The following SHISAL2B variants were observed in gnomAD, a reference collection of about 807,000 sequenced individuals.
SHISAL2B encodes shisa like 2B.
Under a neutral mutation model 16.5 loss-of-function variants are expected in SHISAL2B, and 12 were observed. That is an observed-to-expected ratio of 0.73 (90% CI 0.47 to 1.18). The LOEUF (loss-of-function observed/expected upper bound fraction) is 1.18. SHISAL2B is among the 50% of genes most tolerant of loss of function. The pLI is 0.00. For synonymous variants in SHISAL2B, 72 were observed against 75.0 expected, an observed-to-expected ratio of 0.96 and a Z score of 0.21; for missense variants, 183 against 193.6, an observed-to-expected ratio of 0.95 and a Z score of 0.33.
At chr5:64,706,298 G>A (rs773470997) in intron 2 of SHISAL2B, among the ~76,000 whole-genome samples, 6 of 152,196 alleles carry the variant, frequency 3.9e-5, no homozygotes, top group Admixed American at 6.5e-5. Flanking sequence ...ACACAATTTA[G>A]TCTGGCTCAG....
chr5:64,707,014 T>C (rs1436885561), intron 2 of SHISAL2B, among the ~76,000 whole-genome samples: 1 of 152,184 alleles, frequency 6.6e-6, no homozygotes, highest in Non-Finnish European at 1.5e-5. Context: ...TAGGCAAGAC[T>C]AGAATCTAAT....
intron 1 of SHISAL2B, among the ~76,000 whole-genome samples, chr5:64,695,000 C>T (rs2112056080): frequency 6.6e-6 from 1 of 152,252 alleles, no homozygotes; most frequent in South Asian, 2.1e-4. Flanking sequence ...AGCGGTGGCT[C>T]ACGTCTGTAA....
intron 2 of SHISAL2B, among the ~76,000 whole-genome samples, chr5:64,711,087 G>A (rs1243308096): frequency 2.7e-4 from 36 of 135,390 alleles, no homozygotes; most frequent in African/African-American, 1.0e-3. Flanking sequence ...GAATAGGAGC[G>A]GTGAGAGAGG....
chr5:64,690,541 T>C lies in SHISAL2B; in HGVS notation c.-83T>C. The C allele has an allele frequency of 8.4e-7, 1 of 1,189,076 alleles. No homozygotes were observed. 73.7% of individuals were successfully genotyped at this position (1,189,076 alleles called of 1,614,324 possible). On this transcript the variant is annotated 5_prime_UTR_variant, in exon 1 of 3. Coordinates refer to ENST00000389074, the MANE Select transcript of SHISAL2B (RefSeq NM_001164442.2). Reference sequence around the variant, plus strand: ...GAAGAGCCGAGTCCGGGCAGAGGGGTCCGCGGGCTCTGGAGGTGCTGGACG... The same window carrying C: ...GAAGAGCCGAGTCCGGGCAGAGGGGCCCGCGGGCTCTGGAGGTGCTGGACG...
chr5:64,698,684 A>C (rs906497827), intron 2 of SHISAL2B, among the ~76,000 whole-genome samples: 7 of 152,168 alleles, frequency 4.6e-5, no homozygotes, highest in Non-Finnish European at 1.5e-5. Context: ...TTAACATATT[A>C]TATCCTTTAC....
At chr5:64,691,862 A>G (rs1741655301) in intron 1 of SHISAL2B, among the ~76,000 whole-genome samples, 1 of 152,190 alleles carries the variant, frequency 6.6e-6, no homozygotes, top group African/African-American at 2.4e-5. Context: ...GTCTGCTAGT[A>G]AGAGGTAAAG....
chr5:64,714,689 G>A (rs1349204999), intron 2 of SHISAL2B, among the ~76,000 whole-genome samples: 1 of 152,184 alleles, frequency 6.6e-6, no homozygotes, highest in African/African-American at 2.4e-5. Context: ...AGCAATCAGC[G>A]AGATTCCGTG....
intron 2 of SHISAL2B, among the ~76,000 whole-genome samples, chr5:64,704,484 C>A (rs967236942): frequency 1.3e-5 from 2 of 152,148 alleles, no homozygotes; most frequent in African/African-American, 4.8e-5. Flanking sequence ...AATTTACATA[C>A]AATGACTAGA....
chr5:64,709,123 G>C, intron 2 of SHISAL2B, among the ~76,000 whole-genome samples: 1 of 147,148 alleles, frequency 6.8e-6, no homozygotes, highest in East Asian at 2.0e-4. Flanking sequence ...TGCCATGCTG[G>C]TGCACTGCAC....
chr5:64,695,546 T>A lies in SHISAL2B; in HGVS notation c.231T>A (p.Val77=), dbSNP rs1741720712. The change falls in exon 2 of 3, where the codon GTT becomes GTA. Residue 77 remains valine, a synonymous_variant. Transcript: ENST00000389074. ...TTGGACTAGGAATTGCTGCCCTTGT[T>A]TTACTCGCCTTTGTCATCAGTGTCT... ...ALIGLGIAAL[V]LLAFVISVCV... 1.3e-6 allele frequency: 2 copies of A among 1,536,454 alleles called. No individual in the cohort carries two copies. Among genetic ancestry groups the A allele is most frequent in the Non-Finnish European group, 1.7e-6 (2 of 1,146,574 alleles).
chr5:64,694,896 G>A (rs1005098316), intron 1 of SHISAL2B, among the ~76,000 whole-genome samples: 3 of 152,126 alleles, frequency 2.0e-5, no homozygotes, highest in Non-Finnish European at 4.4e-5. Flanking sequence ...TGATGGAGAT[G>A]TTTTAGAATT....
At chr5:64,702,578 CTAAT>C (rs1383788471) in intron 2 of SHISAL2B, among the ~76,000 whole-genome samples, 1 of 151,808 alleles carries the variant, frequency 6.6e-6, no homozygotes, top group African/African-American at 2.4e-5. Flanking sequence ...CTATGGTTAT[CTAAT>C]TATATAATTA....
intron 2 of SHISAL2B, among the ~76,000 whole-genome samples, chr5:64,705,068 A>G (rs1741857552): frequency 6.6e-6 from 1 of 152,188 alleles, no homozygotes; most frequent in Non-Finnish European, 1.5e-5. Context: ...AAGCCAATCA[A>G]AAAAAATCTT....
intron 1 of SHISAL2B, among the ~76,000 whole-genome samples, chr5:64,695,129 A>T (rs1429716109): frequency 1.3e-5 from 2 of 151,990 alleles, no homozygotes; most frequent in Non-Finnish European, 2.9e-5. Context: ...ACTGGGCATG[A>T]TGGCGTGCAC....
intron 1 of SHISAL2B, among the ~76,000 whole-genome samples, chr5:64,692,023 G>T (rs953945743): frequency 6.6e-6 from 1 of 152,132 alleles, no homozygotes; most frequent in African/African-American, 2.4e-5. Flanking sequence ...CAAAAGGAGT[G>T]CCTACCTTCC....
chr5:64,697,572 A>T (rs902807359), intron 2 of SHISAL2B, among the ~76,000 whole-genome samples: 1 of 152,152 alleles, frequency 6.6e-6, no homozygotes, highest in African/African-American at 2.4e-5. Context: ...ATTAAAAAGT[A>T]CTAATTATAA....
intron 1 of SHISAL2B, 72 bp from the exon 2 acceptor site, chr5:64,695,431 ATATT>A (rs1741718966): frequency 5.2e-6 from 5 of 960,732 alleles, no homozygotes; most frequent in Non-Finnish European, 5.7e-6. Context: ...AATTAACAAT[ATATT>A]TATGCCTTCT....
intron 2 of SHISAL2B, among the ~76,000 whole-genome samples, chr5:64,714,063 C>A (rs1741999641): frequency 6.7e-6 from 1 of 149,346 alleles, no homozygotes; most frequent in East Asian, 2.0e-4. Context: ...CTCCATCCAG[C>A]TTTGTTCCAT....
chr5:64,714,663 C>A (rs1742015413), intron 2 of SHISAL2B, among the ~76,000 whole-genome samples: 1 of 152,170 alleles, frequency 6.6e-6, no homozygotes, highest in Non-Finnish European at 1.5e-5. Context: ...GCAGTTTGAT[C>A]TCAGACTGCT....
Sources: gnomAD v4.1 joint callset for allele counts (sites outside exome capture counted in the v4.1 genomes callset) on GRCh38, gnomAD v4.1.1 for gene constraint, MANE v1.5 for transcripts, NCBI Gene and HGNC (gene_info 2026-07-23, HGNC 2026-07-21) for gene names.